CACNA1A: variants seen among roughly 807,000 people sequenced by gnomAD.
CACNA1A encodes the protein calcium voltage-gated channel subunit alpha1 A.
Under a neutral mutation model 262.4 loss-of-function variants are expected in CACNA1A, and 57 were observed. The ratio of observed to expected loss-of-function variants is 0.22; its 90% CI spans 0.18 to 0.27. CACNA1A has a LOEUF of 0.27. Ranked by LOEUF, CACNA1A falls within the 10% of genes least tolerant of loss-of-function variation. The pLI is 1.00. For synonymous variants in CACNA1A, 1,431 were observed against 1,419.3 expected, an observed-to-expected ratio of 1.01 and a Z score of -0.18; for missense variants, 2,526 against 3,562.8, an observed-to-expected ratio of 0.71 and a Z score of 7.41.
intron 3 of CACNA1A, among the ~76,000 whole-genome samples, chr19:13,422,669 G>A (rs1019472): frequency 9.2e-5 from 14 of 152,096 alleles, no homozygotes; most frequent in Admixed American, 6.5e-4. Context: ...TGGGACACAC[G>A]GTATCAGTTT....
chr19:13,413,658 C>G (rs1048989875), intron 3 of CACNA1A, among the ~76,000 whole-genome samples: 18 of 145,572 alleles, frequency 1.2e-4, no homozygotes, highest in Non-Finnish European at 2.4e-4. Context: ...GTGGGAGGAT[C>G]ACCTGAGGTC....
chr19:13,395,524 A>C (rs2059793918), intron 3 of CACNA1A, among the ~76,000 whole-genome samples: 2 of 151,732 alleles, frequency 1.3e-5, no homozygotes, highest in African/African-American at 4.8e-5. Flanking sequence ...AGGCAGGAGA[A>C]TCATTTGAAC....
chr19:13,217,619 G>C (rs8102018), intron 38 of CACNA1A, among the ~76,000 whole-genome samples: 1,999 of 152,238 alleles, frequency 0.013, 35 homozygotes, highest in African/African-American at 0.046. Context: ...AAATCTGGGG[G>C]ATCATTGTCT....
chr19:13,289,140 C>CTTTTTTT (rs36024401), intron 19 of CACNA1A, among the ~76,000 whole-genome samples: 1 of 122,246 alleles, frequency 8.2e-6, no homozygotes. Flanking sequence ...TCGGCAATGT[C>CTTTTTTT]TTTTTTTTTT....
chr19:13,273,899 C>T (rs2057083717), intron 24 of CACNA1A: 1 of 142,974 alleles, frequency 7.0e-6, no homozygotes, highest in Admixed American at 7.3e-5. Context: ...AGGCATACTA[C>T]CATGCCTGGC....
At chr19:13,488,390 CTTTTTTTTT>C (rs34348281) in intron 1 of CACNA1A, among the ~76,000 whole-genome samples, 1 of 77,622 alleles carries the variant, frequency 1.3e-5, no homozygotes, top group Non-Finnish European at 2.4e-5. Flanking sequence ...TTTTTCTTTT[CTTTTTTTTT>C]TTTTTTTTTT....
At chr19:13,459,092 T>C (rs995567725) in intron 1 of CACNA1A, among the ~76,000 whole-genome samples, 11 of 152,242 alleles carry the variant, frequency 7.2e-5, no homozygotes, top group Non-Finnish European at 4.4e-5. Flanking sequence ...CTCTAAACAT[T>C]GCTGAGTGTC....
At chr19:13,449,961 C>T (rs1409928956) in intron 3 of CACNA1A, among the ~76,000 whole-genome samples, 2 of 151,820 alleles carry the variant, frequency 1.3e-5, no homozygotes, top group Admixed American at 1.3e-4. Context: ...GCCAACATGG[C>T]GTAAACCCGT....
rs981695434 is a variant in CACNA1A, at chr19:13,206,666, A to ATTGTT, written c.*642_*646dup. 2 of 111,432 alleles carry ATTGTT rather than the reference A, an allele frequency of 1.8e-5. No homozygotes were observed. Among genetic ancestry groups the ATTGTT allele is most frequent in the South Asian group, 3.3e-4 (1 of 2,986 alleles). 6.9% of individuals were successfully genotyped at this position (111,432 alleles called of 1,614,324 possible). A position where few individuals can be genotyped will look rare whatever the true frequency, so the allele number is the denominator to read the frequency against. Reference sequence around the variant, plus strand: ...CATTAATTTTTTTGTCCTTTTTAAAATTGTTTATTGTTATTATTATTTTTT... The same window carrying ATTGTT: ...CATTAATTTTTTTGTCCTTTTTAAAATTGTTTTGTTTATTGTTATTATTATTTTTT... On this transcript the variant is annotated 3_prime_UTR_variant, in exon 47 of 47. Coordinates refer to ENST00000360228, the MANE Select transcript of CACNA1A (RefSeq NM_001127222.2).
chr19:13,424,532 C>G (rs958366371), intron 3 of CACNA1A, among the ~76,000 whole-genome samples: 1 of 151,952 alleles, frequency 6.6e-6, no homozygotes, highest in Admixed American at 6.6e-5. Flanking sequence ...GTGGCATGAT[C>G]ATAGATCACT....
chr19:13,239,978 C>G (rs1176285546), intron 31 of CACNA1A, among the ~76,000 whole-genome samples: 2 of 151,892 alleles, frequency 1.3e-5, no homozygotes, highest in Non-Finnish European at 2.9e-5. Flanking sequence ...TGGTGAAACC[C>G]TGTCTCTACT....
rs141360619 is a variant in CACNA1A, at chr19:13,241,125, T to G, written c.4950+4057A>C. ...TTGGCAGCTTTCCTGGGGCCTGGGGTCCATGGAGCTGAATGGGGGACAGGA... is the reference window on the plus strand; with the variant it reads ...TTGGCAGCTTTCCTGGGGCCTGGGGGCCATGGAGCTGAATGGGGGACAGGA... On this transcript the variant is annotated intron_variant, in intron 31 of 46. Coordinates refer to ENST00000360228, the MANE Select transcript of CACNA1A (RefSeq NM_001127222.2). This position sits in a 1 kb window ranked among gnomAD's most constrained non-coding sequence, Gnocchi z 4.0. 6.6e-6 allele frequency among the ~76,000 whole-genome samples: 1 copy of G among 151,652 alleles called. No homozygotes were observed. The highest frequency in any genetic ancestry group is 2.4e-5 in the African/African-American group (1 of 41,230).
chr19:13,378,722 GTGCAATCTCGGCTCAC>G (rs2059459535), intron 3 of CACNA1A, among the ~76,000 whole-genome samples: 1 of 151,708 alleles, frequency 6.6e-6, no homozygotes, highest in Non-Finnish European at 1.5e-5. Flanking sequence ...GAGTGCAGCA[GTGCAATCTCGGCTCAC>G]TGCAATCTCC....
At position 13,230,622 on chromosome 19, in the gene CACNA1A, T is replaced by C. The variant is rs112835351; in HGVS notation, c.5401-413A>G. On this transcript the variant is annotated intron_variant, in intron 35 of 46. Coordinates refer to ENST00000360228, the MANE Select transcript of CACNA1A (RefSeq NM_001127222.2). ...GAGTTTGAGACCAGCCTGGTCAACA[T>C]GGTGAAACACTGTCTCTACTAAAAA... 1.0e-3 allele frequency among the ~76,000 whole-genome samples: 154 copies of C among 152,022 alleles called. 3 individuals are homozygous for C. In the South Asian group the frequency reaches 0.026, roughly 25 times the overall value.
chr19:13,209,571 T>A, intron 44 of CACNA1A, 73 bp from the exon 45 acceptor site: 3 of 1,148,922 alleles, frequency 2.6e-6, no homozygotes, highest in Non-Finnish European at 3.4e-6. Flanking sequence ...TCCTGCCCCA[T>A]TGTGGCAGCC....
chr19:13,505,173 A>T (rs544809570), intron 1 of CACNA1A, among the ~76,000 whole-genome samples: 1 of 152,260 alleles, frequency 6.6e-6, no homozygotes, highest in African/African-American at 2.4e-5. Flanking sequence ...CAGATAAAGC[A>T]AGTGGGATCT....
intron 17 of CACNA1A, 39 bp downstream of exon 17, chr19:13,303,507 G>A (rs903345431): frequency 7.1e-7 from 1 of 1,399,370 alleles, no homozygotes; most frequent in Non-Finnish European, 9.9e-7. Context: ...ATGGGCAGGT[G>A]GTAACTTTGC....
rs975757978 is a variant in CACNA1A, at chr19:13,365,630, C to CACGG, written c.632-165_632-162dup. 1.6e-5 allele frequency: 9 copies of CACGG among 573,428 alleles called. No individual in the cohort carries two copies. In the African/African-American group the frequency reaches 1.7e-4, roughly 11 times the overall value. 35.5% of individuals were successfully genotyped at this position (573,428 alleles called of 1,614,324 possible). On this transcript the variant is annotated intron_variant, in intron 4 of 46. Transcript: ENST00000360228. ...TTGGGCAATGGTGAAGGAAGCACCA[C>CACGG]ACGGAGGCTGATCCTTATCATGGGA...
rs781026181 is a variant in CACNA1A at position 13,285,135 on chromosome 19, G to A, written c.3625C>T (p.Arg1209Cys). ...EEKKEEEEDD[R>C]GEDGPKPMPP... ...ATTGGCTTAGGGCCGTCTTCCCCAC[G>A]GTCGTCTTCCTCCTCCTCCTTCTTC... Residue 1209 changes from arginine to cysteine, a missense_variant, in exon 21 of 47, where the codon CGT (arginine) becomes TGT (cysteine). By Grantham distance (180) the Arg-to-Cys change is radical (BLOSUM62 -3). Around this residue, in one of 17 missense-constraint regions of CACNA1A, gnomAD observed 765 missense variants for 748.6 expected, o/e 1.02. Coordinates refer to ENST00000360228, the MANE Select transcript of CACNA1A (RefSeq NM_001127222.2). 5.0e-6 allele frequency: 8 copies of A among 1,613,784 alleles called. No homozygotes were observed. Among genetic ancestry groups the A allele is most frequent in the African/African-American group, 1.3e-5 (1 of 74,898 alleles).
Sources: allele counts gnomAD v4.1 joint callset (sites outside exome capture counted in the v4.1 genomes callset), GRCh38; gene constraint gnomAD v4.1.1; regional missense constraint gnomAD v4.1.1; non-coding constraint Gnocchi (gnomAD v3.1); transcripts MANE v1.5; gene names NCBI Gene and HGNC (gene_info 2026-07-23, HGNC 2026-07-21).